The following POU6F2 variants were observed in gnomAD, a reference collection of about 807,000 sequenced individuals.
The protein encoded by POU6F2 is POU domain, class 6, transcription factor 2.
Under a neutral mutation model 71.3 loss-of-function variants are expected in POU6F2, and 31 were observed. The ratio of observed to expected loss-of-function variants is 0.43; its 90% CI spans 0.33 to 0.59. The LOEUF (loss-of-function observed/expected upper bound fraction) is 0.59, where lower values mean the gene tolerates loss of function less well. Among genes scored for constraint, POU6F2 ranks in the 20% least tolerant of loss-of-function variants. POU6F2 has a pLI of 0.04. For synonymous variants in POU6F2, 347 were observed against 355.7 expected (o/e 0.98, Z 0.27); for missense variants, 783 against 856.8 (o/e 0.91, Z 1.07).
intron 2 of POU6F2, among the ~76,000 whole-genome samples, chr7:39,195,923 T>C (rs1793779031): frequency 1.3e-5 from 2 of 151,926 alleles, no homozygotes; most frequent in African/African-American, 4.8e-5. Flanking sequence ...CAAAACGCTC[T>C]TCTCTCTCTC....
At chr7:39,140,151 C>A (rs933420566) in intron 2 of POU6F2, among the ~76,000 whole-genome samples, 5 of 152,108 alleles carry the variant, frequency 3.3e-5, no homozygotes, top group African/African-American at 1.2e-4. Context: ...ATTAATCCTG[C>A]AAATGTATCA....
chr7:39,350,978 C>T (rs1239449182), intron 5 of POU6F2, among the ~76,000 whole-genome samples: 1 of 152,218 alleles, frequency 6.6e-6, no homozygotes, highest in Non-Finnish European at 1.5e-5. Flanking sequence ...GCTGGGAACA[C>T]CTGAGGAGTT....
chr7:39,409,496 C>G (rs756441457), intron 6 of POU6F2, among the ~76,000 whole-genome samples: 1 of 152,210 alleles, frequency 6.6e-6, no homozygotes, highest in Non-Finnish European at 1.5e-5. Context: ...GGCCCCACCT[C>G]TTTCTAGTTT....
At chr7:39,079,492 C>T (rs148561309) in intron 1 of POU6F2, among the ~76,000 whole-genome samples, 3 of 152,164 alleles carry the variant, frequency 2.0e-5, no homozygotes, top group African/African-American at 7.2e-5. Flanking sequence ...TCACAATATC[C>T]TTCACGGGAT....
intron 2 of POU6F2, among the ~76,000 whole-genome samples, chr7:39,199,521 G>T (rs1337014718): frequency 6.6e-6 from 1 of 151,966 alleles, no homozygotes; most frequent in Admixed American, 6.6e-5. Context: ...AAACAAAAAT[G>T]AACTTGCTAT....
At chr7:39,277,296 G>C (rs1784461192) in intron 4 of POU6F2, among the ~76,000 whole-genome samples, 2 of 152,062 alleles carry the variant, frequency 1.3e-5, no homozygotes, top group Admixed American at 1.3e-4. Flanking sequence ...GTGCAGATTT[G>C]CTACATGGGT....
At chr7:39,078,169 A>G (rs751048066) in intron 1 of POU6F2, among the ~76,000 whole-genome samples, 17 of 152,218 alleles carry the variant, frequency 1.1e-4, no homozygotes, top group Admixed American at 5.9e-4. Context: ...ACACGCTTTT[A>G]TTGCCAATTA....
intron 1 of POU6F2, among the ~76,000 whole-genome samples, chr7:39,084,873 C>T (rs1374237302): frequency 5.9e-5 from 9 of 152,124 alleles, no homozygotes; most frequent in Admixed American, 5.9e-4. Context: ...AAAAAGGGCA[C>T]TTCTTGCTCT....
At chr7:39,035,277 G>A (rs996980865) in intron 1 of POU6F2, among the ~76,000 whole-genome samples, 1 of 152,042 alleles carries the variant, frequency 6.6e-6, no homozygotes, top group Admixed American at 6.6e-5. Context: ...TACAAATGCA[G>A]TTTCCCCTCC....
intron 2 of POU6F2, among the ~76,000 whole-genome samples, chr7:39,173,017 T>A (rs1793255730): frequency 6.6e-6 from 1 of 152,132 alleles, no homozygotes. Flanking sequence ...TACTTTTAAA[T>A]GTTCTAGTAG....
chr7:39,015,859 ATAATAT>A (rs1789496700), intron 1 of POU6F2, among the ~76,000 whole-genome samples: 1 of 84,510 alleles, frequency 1.2e-5, no homozygotes, highest in South Asian at 3.6e-4. Flanking sequence ...ATAGATATAT[ATAATAT>A]ATTATATATA....
chr7:39,157,524 G>A (rs1005835231), intron 2 of POU6F2, among the ~76,000 whole-genome samples: 11 of 152,160 alleles, frequency 7.2e-5, no homozygotes, highest in African/African-American at 2.2e-4. Flanking sequence ...ATTAAATGCT[G>A]AGTGTATAGG....
intron 1 of POU6F2, among the ~76,000 whole-genome samples, chr7:38,996,190 C>T (rs1043631890): frequency 2.6e-5 from 4 of 151,912 alleles, no homozygotes; most frequent in African/African-American, 9.7e-5. Context: ...CAGGTGGCTG[C>T]CACTATGCCT....
At chr7:39,249,397 C>T (rs966670624) in intron 4 of POU6F2, among the ~76,000 whole-genome samples, 1 of 152,196 alleles carries the variant, frequency 6.6e-6, no homozygotes, top group Non-Finnish European at 1.5e-5. Context: ...GAACCACAGA[C>T]GCTATAATGC....
chr7:39,034,260 T>C (rs531292756), intron 1 of POU6F2: 85 of 171,686 alleles, frequency 5.0e-4, no homozygotes, highest in African/African-American at 1.9e-3. Flanking sequence ...ACGTGAGTAT[T>C]AGTCAAAGTC....
At chr7:39,182,286 C>T (rs114374201) in intron 2 of POU6F2, among the ~76,000 whole-genome samples, 1 of 152,220 alleles carries the variant, frequency 6.6e-6, no homozygotes, top group African/African-American at 2.4e-5. Flanking sequence ...ATGCTGGTTG[C>T]CACTCACAAA....
intron 4 of POU6F2, among the ~76,000 whole-genome samples, chr7:39,257,132 A>G (rs918794637): frequency 2.6e-5 from 4 of 152,214 alleles, no homozygotes; most frequent in African/African-American, 9.7e-5. Context: ...TAAGCTCACA[A>G]GCCGCATACA....
chr7:39,399,490 A>G (rs1474719516), intron 5 of POU6F2, among the ~76,000 whole-genome samples: 1 of 152,216 alleles, frequency 6.6e-6, no homozygotes, highest in Non-Finnish European at 1.5e-5. Flanking sequence ...TGGGTCACAG[A>G]ATAGAGGGAA....
intron 4 of POU6F2, among the ~76,000 whole-genome samples, chr7:39,311,656 G>A (rs539974212): frequency 1.8e-4 from 27 of 152,340 alleles, no homozygotes; most frequent in Non-Finnish European, 2.9e-4. Context: ...CAATGATCTA[G>A]CTATGTAGGT....
Sources: allele counts gnomAD v4.1 joint callset (sites outside exome capture counted in the v4.1 genomes callset), GRCh38; gene constraint gnomAD v4.1.1; transcripts MANE v1.5; gene names NCBI Gene and HGNC (gene_info 2026-07-23, HGNC 2026-07-21).